The following TBC1D19 variants were observed in gnomAD, a reference collection of about 807,000 sequenced individuals.
TBC1D19 encodes TBC1 domain family member 19, also known as TBC1 domain family, member 19.
A neutral mutation model predicts 89.0 loss-of-function variants in TBC1D19; 60 were observed. The ratio of observed to expected loss-of-function variants is 0.67; its 90% CI spans 0.55 to 0.84. The LOEUF is 0.84. Among genes scored for constraint, TBC1D19 ranks in the 40% least tolerant of loss-of-function variants. TBC1D19 has a pLI of 0.00. For synonymous variants in TBC1D19, 189 were observed against 199.7 expected (o/e 0.95, Z 0.45); for missense variants, 500 against 610.8 (o/e 0.82, Z 1.91).
chr4:26,659,424 A>G (rs189836887), intron 7 of TBC1D19, among the ~76,000 whole-genome samples, 173 bp from the exon 8 acceptor site: 52 of 152,228 alleles, frequency 3.4e-4, no homozygotes, highest in African/African-American at 1.1e-3. Context: ...TTATGGCATT[A>G]TATATTAACA....
At chr4:26,581,224 ATACTC>A (rs1384750413), upstream of TBC1D19, among the ~76,000 whole-genome samples, 1 of 152,134 alleles carries the variant, frequency 6.6e-6, no homozygotes, top group East Asian at 1.9e-4. Flanking sequence ...TTTATTTACT[ATACTC>A]TAAGTTCTGG....
intron 15 of TBC1D19, among the ~76,000 whole-genome samples, chr4:26,726,277 C>A (rs1346853737): frequency 4.6e-5 from 7 of 151,958 alleles, no homozygotes; most frequent in Non-Finnish European, 1.0e-4. Context: ...CAGCCCCTTA[C>A]AACAAAGATT....
intron 3 of TBC1D19, among the ~76,000 whole-genome samples, chr4:26,614,791 C>G (rs1474569440): frequency 1.3e-5 from 2 of 152,050 alleles, no homozygotes; most frequent in African/African-American, 4.8e-5. Flanking sequence ...GATTCTTGTG[C>G]CTCAGGCTCC....
chr4:26,673,446 T>TATATATATATATACACACACACACAC (rs373807642), intron 10 of TBC1D19, among the ~76,000 whole-genome samples: 5 of 90,882 alleles, frequency 5.5e-5, no homozygotes, highest in African/African-American at 1.7e-4. Context: ...TATATATATA[T>TATATATATATATACACACACACACAC]ACACACACAC....
At chr4:26,596,495 A>T (rs1247434696) in intron 1 of TBC1D19, among the ~76,000 whole-genome samples, 1 of 150,278 alleles carries the variant, frequency 6.7e-6, no homozygotes, top group African/African-American at 2.4e-5. Context: ...TGTGAGAGAG[A>T]GTGTGTTTGA....
intron 7 of TBC1D19, 39 bp downstream of exon 7, chr4:26,640,226 G>T: frequency 7.0e-7 from 1 of 1,424,210 alleles, no homozygotes; most frequent in South Asian, 1.2e-5. Context: ...ATTAATGAAT[G>T]AATAATGTGA....
chr4:26,659,454 T>C, intron 7 of TBC1D19, 143 bp from the exon 8 acceptor site: 1 of 468,590 alleles, frequency 2.1e-6, no homozygotes, highest in Non-Finnish European at 3.8e-6. Context: ...ACTTTTATAC[T>C]ATTTTAGAAT....
At chr4:26,770,971 C>T in the TBC1D19 span, among the ~76,000 whole-genome samples, 1 of 150,556 alleles carries the variant, frequency 6.6e-6, no homozygotes, top group Non-Finnish European at 1.5e-5. Flanking sequence ...GCAGTATTTA[C>T]TAGGAAATTT....
chr4:26,599,716 C>A (rs960692573), intron 1 of TBC1D19, among the ~76,000 whole-genome samples: 1 of 151,992 alleles, frequency 6.6e-6, no homozygotes, highest in African/African-American at 2.4e-5. Context: ...GAGGCCAAGG[C>A]GGGCGGGTTG....
At chr4:26,694,105 C>T (rs1302529832) in intron 13 of TBC1D19, among the ~76,000 whole-genome samples, 1 of 152,092 alleles carries the variant, frequency 6.6e-6, no homozygotes, top group African/African-American at 2.4e-5. Context: ...GAGGCATTGC[C>T]TCACCCGGGA....
At chr4:26,694,806 A>G (rs1360760352) in intron 13 of TBC1D19, among the ~76,000 whole-genome samples, 3 of 152,198 alleles carry the variant, frequency 2.0e-5, no homozygotes, top group African/African-American at 4.8e-5. Context: ...CTTCCAGCAA[A>G]CTCCAACAGA....
upstream of TBC1D19, among the ~76,000 whole-genome samples, chr4:26,583,033 G>A (rs987627784): frequency 3.9e-5 from 6 of 152,194 alleles, no homozygotes; most frequent in Non-Finnish European, 8.8e-5. Context: ...ACATTTGATT[G>A]AATGAGATCT....
Position 26,637,242 on chromosome 4 carries a change from T to G in TBC1D19, c.326T>G (p.Leu109Ter). ...TGGGAAAAAAGAATTTTGAAGAGTTTAAATAGTATGTGCACTGAACTGAGT... is the reference window on the plus strand; with the variant it reads ...TGGGAAAAAAGAATTTTGAAGAGTTGAAATAGTATGTGCACTGAACTGAGT... ...GSWEKRILKS[L>*]NSMCTELSIP... Residue 109 changes from leucine to a stop codon, truncating the protein, a stop_gained, in exon 5 of 21, where the codon TTA becomes TGA. Coordinates refer to ENST00000264866, the MANE Select transcript of TBC1D19 (RefSeq NM_018317.4). LOFTEE classifies it high-confidence loss of function. The G allele has an allele frequency of 6.2e-7, 1 of 1,610,656 alleles. No homozygotes were observed. Among genetic ancestry groups the G allele is most frequent in the Non-Finnish European group, 8.5e-7 (1 of 1,178,220 alleles).
chr4:26,820,144 A>T, the TBC1D19 span, among the ~76,000 whole-genome samples: 6 of 152,206 alleles, frequency 3.9e-5, no homozygotes, highest in Admixed American at 1.3e-4. Context: ...CATATCCGTT[A>T]TCTTAGTAAC....
intron 9 of TBC1D19, among the ~76,000 whole-genome samples, chr4:26,666,817 C>G (rs1485059833): frequency 6.6e-6 from 1 of 151,904 alleles, no homozygotes; most frequent in Non-Finnish European, 1.5e-5. Flanking sequence ...AGCAGTTTTC[C>G]TAACTTTTCC....
chr4:26,593,940 C>T (rs1286672766), intron 1 of TBC1D19, among the ~76,000 whole-genome samples: 3 of 152,288 alleles, frequency 2.0e-5, no homozygotes, highest in Non-Finnish European at 2.9e-5. Context: ...GGCGATTCCT[C>T]AGGGATCTAG....
intron 18 of TBC1D19, among the ~76,000 whole-genome samples, chr4:26,746,094 A>AT (rs920653029): frequency 2.0e-5 from 3 of 152,076 alleles, no homozygotes; most frequent in African/African-American, 4.8e-5. Context: ...TACTTTAAAT[A>AT]TTTTTTTCTG....
At chr4:26,796,565 G>T in the TBC1D19 span, among the ~76,000 whole-genome samples, 1 of 152,074 alleles carries the variant, frequency 6.6e-6, no homozygotes, top group Non-Finnish European at 1.5e-5. Flanking sequence ...CAGGAGTGGT[G>T]GTTCATGCCT....
At chr4:26,625,950 C>T (rs1742365652) in intron 4 of TBC1D19, among the ~76,000 whole-genome samples, 1 of 152,038 alleles carries the variant, frequency 6.6e-6, no homozygotes, top group African/African-American at 2.4e-5. Flanking sequence ...CCATACTGTA[C>T]TCTTTGGAAG....
Sources: gnomAD v4.1 joint callset for allele counts (sites outside exome capture counted in the v4.1 genomes callset) on GRCh38, gnomAD v4.1.1 for gene constraint, MANE v1.5 for transcripts, NCBI Gene and HGNC (gene_info 2026-07-23, HGNC 2026-07-21) for gene names.